The following ARHGAP6 variants were observed in gnomAD, a reference collection of about 807,000 sequenced individuals.
ARHGAP6 encodes the protein Rho GTPase activating protein 6, also known as rho GTPase-activating protein 6.
In ARHGAP6, 16 loss-of-function variants were observed where a neutral mutation model predicts 55.7. The observed-to-expected ratio is 0.29, with a 90% CI of 0.19 to 0.44. The LOEUF (loss-of-function observed/expected upper bound fraction) is 0.44, where lower values mean the gene tolerates loss of function less well. ARHGAP6 is among the 20% of genes least tolerant of loss of function. ARHGAP6 has a pLI of 1.00. For synonymous variants in ARHGAP6, 382 were observed against 360.9 expected (o/e 1.06, Z -0.66); for missense variants, 698 against 808.9 (o/e 0.86, Z 1.66).
intron 1 of ARHGAP6, among the ~76,000 whole-genome samples, chrX:11,301,200 A>G (rs1023535272): frequency 4.5e-5 from 5 of 111,872 alleles, no homozygotes; most frequent in African/African-American, 1.6e-4. Flanking sequence ...AGATTTTTAA[A>G]TGAAATTATG....
At chrX:11,319,128 T>TTCTATATCTATA (rs201917913) in intron 1 of ARHGAP6, among the ~76,000 whole-genome samples, 215 of 112,021 alleles carry the variant, frequency 1.9e-3, no homozygotes, top group African/African-American at 6.3e-3. Context: ...AACTCCACAT[T>TTCTATATCTATA]TCTATATCTA....
At chrX:11,534,946 T>C (rs1190298440) in intron 1 of ARHGAP6, among the ~76,000 whole-genome samples, 1 of 111,653 alleles carries the variant, frequency 9.0e-6, no homozygotes, top group African/African-American at 3.3e-5. Context: ...AGGGCTACTA[T>C]ATTGAACAGT....
At chrX:11,526,744 G>T (rs1317914737) in intron 1 of ARHGAP6, among the ~76,000 whole-genome samples, 2 of 111,605 alleles carry the variant, frequency 1.8e-5, no homozygotes, top group African/African-American at 6.5e-5. Flanking sequence ...TTATCTGAAG[G>T]TATGTTTTAC....
intron 1 of ARHGAP6, among the ~76,000 whole-genome samples, chrX:11,528,757 T>C (rs780174132): frequency 3.0e-4 from 33 of 111,784 alleles, no homozygotes; most frequent in African/African-American, 9.1e-4. Flanking sequence ...CTGGGTGAAG[T>C]AGGCCAGGTT....
chrX:11,284,271 G>C (rs2047894986), intron 1 of ARHGAP6, among the ~76,000 whole-genome samples: 1 of 111,884 alleles, frequency 8.9e-6, no homozygotes, highest in African/African-American at 3.3e-5. Flanking sequence ...GTGTGGGAGG[G>C]GGCTGACAAT....
intron 1 of ARHGAP6, among the ~76,000 whole-genome samples, chrX:11,412,148 C>A (rs1465074766): frequency 9.0e-6 from 1 of 111,533 alleles, no homozygotes; most frequent in Non-Finnish European, 1.9e-5. Context: ...TAAAAGTTGC[C>A]ACAAATGCTA....
chrX:11,614,268 G>A (rs1056572720), intron 1 of ARHGAP6, among the ~76,000 whole-genome samples: 3 of 111,703 alleles, frequency 2.7e-5, no homozygotes, highest in Non-Finnish European at 3.8e-5. Flanking sequence ...GTATTAGTCC[G>A]TTCTCAGGTT....
chrX:11,387,489 C>T (rs749064094), intron 1 of ARHGAP6, among the ~76,000 whole-genome samples: 35 of 111,711 alleles, frequency 3.1e-4, no homozygotes, highest in Non-Finnish European at 5.8e-4. Flanking sequence ...ATTTGAACTT[C>T]GCAGGTAAAT....
intron 1 of ARHGAP6, among the ~76,000 whole-genome samples, chrX:11,278,670 T>A (rs1037730631): frequency 3.6e-5 from 4 of 111,823 alleles, no homozygotes; most frequent in Admixed American, 1.9e-4. Flanking sequence ...CATTATTTAA[T>A]GCAGGATTTT....
At chrX:11,553,211 T>A (rs1014691245) in intron 1 of ARHGAP6, among the ~76,000 whole-genome samples, 1 of 109,686 alleles carries the variant, frequency 9.1e-6, no homozygotes. Context: ...AAATCCAATC[T>A]TGAACAAATA....
intron 2 of ARHGAP6, among the ~76,000 whole-genome samples, chrX:11,239,667 A>G (rs2047248156): frequency 9.0e-6 from 1 of 111,589 alleles, no homozygotes; most frequent in African/African-American, 3.3e-5. Flanking sequence ...TTTTCTGCTT[A>G]AGTTATCCAG....
At chrX:11,157,676 T>C (rs916642945) in intron 9 of ARHGAP6, among the ~76,000 whole-genome samples, 1 of 112,464 alleles carries the variant, frequency 8.9e-6, no homozygotes, top group African/African-American at 3.2e-5. Context: ...GAGAAGACTT[T>C]TTAAAACTGC....
At chrX:11,474,510 C>A (rs1373206832) in intron 1 of ARHGAP6, among the ~76,000 whole-genome samples, 1 of 112,402 alleles carries the variant, frequency 8.9e-6, no homozygotes, top group African/African-American at 3.2e-5. Context: ...GCTTTCAACT[C>A]TTTGGCAGGG....
chrX:11,625,805 A>T (rs1378517802), intron 1 of ARHGAP6, among the ~76,000 whole-genome samples: 4 of 111,786 alleles, frequency 3.6e-5, no homozygotes, highest in African/African-American at 1.3e-4. Context: ...CCGTAAATAT[A>T]TACAACTGTG....
At chrX:11,371,954 C>G in intron 1 of ARHGAP6, among the ~76,000 whole-genome samples, 1 of 112,083 alleles carries the variant, frequency 8.9e-6, no homozygotes, top group South Asian at 3.6e-4. Flanking sequence ...TATGTGTAAT[C>G]ATTTGAGAAT....
At chrX:11,164,570 G>A (rs761468507) in intron 9 of ARHGAP6, among the ~76,000 whole-genome samples, 1 of 110,984 alleles carries the variant, frequency 9.0e-6, no homozygotes, top group South Asian at 3.9e-4. Flanking sequence ...TTCTGACTCG[G>A]AATCCTCATC....
At chrX:11,160,567 A>G (rs1206391139) in intron 9 of ARHGAP6, among the ~76,000 whole-genome samples, 1 of 112,009 alleles carries the variant, frequency 8.9e-6, no homozygotes, top group African/African-American at 3.2e-5. Context: ...GACAATATTA[A>G]TTCTTTGAGA....
At chrX:11,357,301 C>T (rs2048943464) in intron 1 of ARHGAP6, among the ~76,000 whole-genome samples, 1 of 112,019 alleles carries the variant, frequency 8.9e-6, no homozygotes, top group Admixed American at 9.4e-5. Flanking sequence ...ATGACAGGCT[C>T]ATACACAAAG....
At chrX:11,216,324 G>A (rs1375037326) in intron 2 of ARHGAP6, among the ~76,000 whole-genome samples, 1 of 111,822 alleles carries the variant, frequency 8.9e-6, no homozygotes, top group Non-Finnish European at 1.9e-5. Flanking sequence ...AAGTGTTTAA[G>A]TCAGTTTTGC....
Sources: allele counts gnomAD v4.1 joint callset (sites outside exome capture counted in the v4.1 genomes callset), GRCh38; gene constraint gnomAD v4.1.1; transcripts MANE v1.5; gene names NCBI Gene and HGNC (gene_info 2026-07-23, HGNC 2026-07-21).